Variants in BIRC6 observed in about 807,000 individuals in gnomAD.
The protein encoded by BIRC6 is dual E2 ubiquitin-conjugating enzyme/E3 ubiquitin-protein ligase BIRC6.
BIRC6 carries 98 observed loss-of-function variants against 503.3 expected under a neutral mutation model. That is an observed-to-expected ratio of 0.19 (90% CI 0.17 to 0.23). The LOEUF (loss-of-function observed/expected upper bound fraction) is 0.23, where lower values mean the gene tolerates loss of function less well. Ranked by LOEUF, BIRC6 falls within the 10% of genes least tolerant of loss-of-function variation. BIRC6 has a pLI of 1.00. For missense variants in BIRC6, 5,360 were observed against 5,806.0 expected, an observed-to-expected ratio of 0.92 and a Z score of 2.50; for synonymous variants, 2,240 against 2,078.7, an observed-to-expected ratio of 1.08 and a Z score of -2.11.
chr2:32,513,539 C>T (rs931978268), intron 54 of BIRC6, among the ~76,000 whole-genome samples: 1 of 151,972 alleles, frequency 6.6e-6, no homozygotes, highest in Non-Finnish European at 1.5e-5. Flanking sequence ...ACTTTGGAGG[C>T]CGAGGTGGGA....
chr2:32,549,166 A>T, intron 64 of BIRC6, 147 bp from the exon 65 acceptor site: 1 of 542,050 alleles, frequency 1.8e-6, no homozygotes, highest in Non-Finnish European at 2.9e-6. Context: ...TTGAAAATTT[A>T]AACAAATAAT....
At chr2:32,461,514 A>G (rs10181198) in intron 23 of BIRC6, among the ~76,000 whole-genome samples, 104,582 of 151,530 alleles carry the variant, frequency 0.69, 36,809 homozygotes, top group African/African-American at 0.8. Context: ...CCAATTGCTC[A>G]TTGACCAAGC....
chr2:32,486,750 G>C (rs886859486), intron 40 of BIRC6, among the ~76,000 whole-genome samples: 5 of 152,094 alleles, frequency 3.3e-5, no homozygotes, highest in African/African-American at 1.2e-4. Flanking sequence ...ATCTTCATTT[G>C]TTTCTTGCTT....
rs2049044119 is a variant in BIRC6 at position 32,471,071 on chromosome 2, A to G, written c.6539A>G (p.Asp2180Gly). 6.3e-7 allele frequency: 1 copy of G among 1,583,560 alleles called. No individual in the cohort carries two copies. The highest frequency in any genetic ancestry group is 8.6e-7 in the Non-Finnish European group (1 of 1,162,910). The change falls in exon 32 of 74, where the codon GAT becomes GGT. Residue 2180 changes from aspartate to glycine, a missense_variant. This residue lies in a region of BIRC6 where 2,299 missense variants were observed against 2,267.2 expected (regional missense o/e 1.01). Transcript: ENST00000421745. The part of the protein sequence containing the change: ...WVVMLVSRLL[D>G]YVATVEDEAA... ...GTTATGCTGGTGTCCAGGTTGCTGG[A>G]TTATGTGGCAACTGTTGAAGATGAA...
chr2:32,436,296 G>C (rs979345143), intron 15 of BIRC6, 112 bp downstream of exon 15: 1 of 1,000,244 alleles, frequency 1.0e-6, no homozygotes, highest in African/African-American at 1.7e-5. Context: ...ACTTTCGTTC[G>C]AAATTTCATC....
At chr2:32,588,870 G>A (rs926932769) in intron 66 of BIRC6, among the ~76,000 whole-genome samples, 3 of 152,168 alleles carry the variant, frequency 2.0e-5, no homozygotes, top group African/African-American at 7.2e-5. Flanking sequence ...TAGTCACTCT[G>A]TGAAGATGGG....
Position 32,467,118 on chromosome 2 carries a change from C to CAAAA in BIRC6, c.5357-392_5357-389dup, listed in dbSNP as rs1207152761. ...TGGGCGACAGATCGAGACTCCGTCT[C>CAAAA]AAAAAAAAAAAAAAAAAAGAGGGGT... On this transcript the variant is annotated intron_variant, in intron 26 of 73. Transcript: ENST00000421745. Among the ~76,000 whole-genome samples, 647 of 81,986 alleles carry CAAAA rather than the reference C, an allele frequency of 7.9e-3. 7 individuals are homozygous for CAAAA. The highest frequency in any genetic ancestry group is 0.013 in the African/African-American group (278 of 21,946). 53.8% of individuals were successfully genotyped at this position (81,986 alleles called of 152,430 possible). A position where few individuals can be genotyped will look rare whatever the true frequency, so the allele number is the denominator to read the frequency against.
rs188322153 is a variant in BIRC6 at position 32,384,117 on chromosome 2, A to G, written c.645+3827A>G. On this transcript the variant is annotated intron_variant, in intron 3 of 73. Transcript: ENST00000421745. Reference sequence around the variant, plus strand: ...CCTGCTGGAACATTCCTCCCTTGGGAGTAAGACCTGTAGAGCTGAAAGCTT... The same window carrying G: ...CCTGCTGGAACATTCCTCCCTTGGGGGTAAGACCTGTAGAGCTGAAAGCTT... Among the ~76,000 whole-genome samples the G allele has an allele frequency of 4.4e-3, 674 of 152,316 alleles. 5 individuals carry two copies. Among genetic ancestry groups the G allele is most frequent in the African/African-American group, 0.016 (649 of 41,558 alleles).
chr2:32,433,987 C>T (rs930596921), intron 13 of BIRC6, among the ~76,000 whole-genome samples, 183 bp downstream of exon 13: 1 of 152,112 alleles, frequency 6.6e-6, no homozygotes, highest in African/African-American at 2.4e-5. Flanking sequence ...TTCAGTAACC[C>T]AGTAATGTTC....
chr2:32,419,860 G>T (rs1039647383), intron 10 of BIRC6, among the ~76,000 whole-genome samples: 1 of 152,058 alleles, frequency 6.6e-6, no homozygotes, highest in Non-Finnish European at 1.5e-5. Context: ...CTTGTTTCTT[G>T]TGGAAAACAT....
At chr2:32,525,736 A>G (rs1243654532) in intron 59 of BIRC6, 108 bp downstream of exon 59, 3 of 1,104,818 alleles carry the variant, frequency 2.7e-6, no homozygotes, top group Non-Finnish European at 3.8e-6. Flanking sequence ...CATTGATGAG[A>G]TCAGTGAGTT....
Position 32,502,324 on chromosome 2 carries a change from C to T in BIRC6, c.9207+436C>T, listed in dbSNP as rs542605922. 2.0e-5 allele frequency among the ~76,000 whole-genome samples: 3 copies of T among 151,930 alleles called. No homozygotes were observed. The South Asian group carries it at 6.2e-4, about 32-fold the overall frequency. ...AAAGAAAATAGGTTACAAAATTTTT[C>T]CTTTTTGTATTTCATTTTTACAAAT... On this transcript the variant is annotated intron_variant, in intron 47 of 73. Transcript: ENST00000421745.
chr2:32,472,941 C>T, intron 32 of BIRC6, 171 bp from the exon 33 acceptor site: 1 of 544,182 alleles, frequency 1.8e-6, no homozygotes, highest in Non-Finnish European at 3.2e-6. Flanking sequence ...GACAGTTATC[C>T]AGTCTTTATA....
chr2:32,366,068 A>G (rs1443535131), intron 1 of BIRC6, among the ~76,000 whole-genome samples: 2 of 151,960 alleles, frequency 1.3e-5, no homozygotes, highest in Non-Finnish European at 2.9e-5. Flanking sequence ...TCTTTTTACT[A>G]GAGATGGGGT....
rs1218427199 is a variant in BIRC6, at chr2:32,524,929, G to T, written c.11665G>T (p.Asp3889Tyr). 1.3e-6 allele frequency: 2 copies of T among 1,521,482 alleles called. No homozygotes were observed. Among genetic ancestry groups the T allele is most frequent in the Non-Finnish European group, 8.8e-7 (1 of 1,131,194 alleles). The allele number at this position is 1,521,482 out of a possible 1,614,324, so 94.2% of individuals were successfully genotyped here. A position where few individuals can be genotyped will look rare whatever the true frequency, so the allele number is the denominator to read the frequency against. Residue 3889 changes from aspartate (D) to tyrosine (Y), a missense_variant, in exon 58 of 74, where the codon GAT (aspartate) becomes TAT (tyrosine). By Grantham distance (160) the Asp-to-Tyr change is radical. Coordinates refer to ENST00000421745, the MANE Select transcript of BIRC6 (RefSeq NM_016252.4). The stretch of plus-strand genomic sequence containing the variant: ...AGCTAAATTAATTAGTGAACAAAAA[G>T]ATGACAAAGAAAAGAAAAACCATGA... ...ITAKLISEQK[D>Y]DKEKKNHEEK...
chr2:32,475,815 C>T (rs1363653372), intron 33 of BIRC6, among the ~76,000 whole-genome samples: 1 of 151,936 alleles, frequency 6.6e-6, no homozygotes, highest in Non-Finnish European at 1.5e-5. Context: ...AAAATATAGA[C>T]ATACCAAAAT....
chr2:32,450,685 A>G (rs1244433078), intron 22 of BIRC6, among the ~76,000 whole-genome samples: 2 of 152,088 alleles, frequency 1.3e-5, no homozygotes, highest in Admixed American at 1.3e-4. Flanking sequence ...GTTCCTCTCT[A>G]TCCGTGGGGA....
intron 63 of BIRC6, 93 bp downstream of exon 63, chr2:32,545,953 G>A: frequency 8.8e-7 from 1 of 1,132,652 alleles, no homozygotes; most frequent in Non-Finnish European, 1.3e-6. Flanking sequence ...ATCTTTCAGA[G>A]ACTTGGGTGT....
chr2:32,368,072 G>T (rs1466122823), intron 1 of BIRC6, among the ~76,000 whole-genome samples: 1 of 152,186 alleles, frequency 6.6e-6, no homozygotes, highest in African/African-American at 2.4e-5. Flanking sequence ...CAGGGCAGTG[G>T]TTCTCAACCT....
Sources: gnomAD v4.1 joint callset for allele counts (sites outside exome capture counted in the v4.1 genomes callset) on GRCh38, gnomAD v4.1.1 for gene constraint, gnomAD v4.1.1 regional missense constraint, MANE v1.5 for transcripts, NCBI Gene and HGNC (gene_info 2026-07-23, HGNC 2026-07-21) for gene names.